USO1: variants seen among roughly 807,000 people sequenced by gnomAD.
USO1 encodes the protein general vesicular transport factor p115.
Under a neutral mutation model 124.5 loss-of-function variants are expected in USO1, and 57 were observed. That is an observed-to-expected ratio of 0.46 (90% CI 0.37 to 0.57). The LOEUF (loss-of-function observed/expected upper bound fraction) is 0.57, where lower values mean the gene tolerates loss of function less well. Ranked by LOEUF, USO1 falls within the 20% of genes least tolerant of loss-of-function variation. The pLI is 0.00. For synonymous variants in USO1, 369 were observed against 362.8 expected, an observed-to-expected ratio of 1.02 and a Z score of -0.19; for missense variants, 900 against 1,040.6, an observed-to-expected ratio of 0.86 and a Z score of 1.86.
chr4:75,770,628 C>A, intron 5 of USO1, 89 bp downstream of exon 5: 1 of 1,480,058 alleles, frequency 6.8e-7, no homozygotes, highest in South Asian at 1.4e-5. Flanking sequence ...ATGTATATAC[C>A]TTTAAAGGTA....
Position 75,793,912 on chromosome 4 carries a change from G to T in USO1, c.1452+11G>T. The T allele has an allele frequency of 1.9e-6, 3 of 1,613,542 alleles. No homozygotes were observed. The highest frequency in any genetic ancestry group is 2.5e-6 in the Non-Finnish European group (3 of 1,179,770). ...AATATTCTTTCACAGGTAAAGTTTT[G>T]CATAAGGGAAAAAGTTCTATACATT... is the stretch of plus-strand genomic sequence containing the variant. On this transcript the variant is annotated intron_variant, in intron 13 of 23. Transcript: ENST00000514213.
intron 18 of USO1, 52 bp from the exon 19 acceptor site, chr4:75,805,087 AT>A: frequency 1.3e-6 from 2 of 1,502,940 alleles, no homozygotes; most frequent in Non-Finnish European, 1.8e-6. Flanking sequence ...TACTTCAAAA[AT>A]GAAAAACTGA....
intron 7 of USO1, among the ~76,000 whole-genome samples, chr4:75,772,209 G>A (rs1182183991): frequency 6.6e-6 from 1 of 152,122 alleles, no homozygotes; most frequent in Non-Finnish European, 1.5e-5. Flanking sequence ...ATTATAGGTA[G>A]TGAACTTAAT....
intron 4 of USO1, among the ~76,000 whole-genome samples, chr4:75,765,724 G>T (rs879756485): frequency 1.3e-5 from 2 of 151,432 alleles, no homozygotes; most frequent in African/African-American, 4.9e-5. Flanking sequence ...ACCTTCAAGC[G>T]TGTGTAAGTA....
chr4:75,766,350 A>G (rs1306851553), intron 4 of USO1, among the ~76,000 whole-genome samples: 4 of 152,206 alleles, frequency 2.6e-5, no homozygotes, highest in Admixed American at 1.3e-4. Context: ...TAGTAAATAT[A>G]TAGCTTATGT....
At chr4:75,729,175 GAC>G (rs1720555366) in intron 1 of USO1, among the ~76,000 whole-genome samples, 1 of 152,088 alleles carries the variant, frequency 6.6e-6, no homozygotes, top group African/African-American at 2.4e-5. Flanking sequence ...CTTTAGCCTT[GAC>G]ACAGTTTGCT....
At chr4:75,788,214 CTGTAGTACAGTGGCA>C (rs1355073763) in intron 10 of USO1, among the ~76,000 whole-genome samples, 26 of 143,624 alleles carry the variant, frequency 1.8e-4, no homozygotes, top group African/African-American at 6.7e-4. Flanking sequence ...GTTGCCCAGG[CTGTAGTACAGTGGCA>C]TGATCTCAGC....
At chr4:75,760,872 C>T (rs567496667) in intron 4 of USO1, among the ~76,000 whole-genome samples, 10 of 152,280 alleles carry the variant, frequency 6.6e-5, no homozygotes, top group African/African-American at 1.9e-4. Context: ...TCTGGCCAGG[C>T]GTGGTGGCTC....
intron 1 of USO1, among the ~76,000 whole-genome samples, chr4:75,751,527 A>G (rs1357685786): frequency 6.9e-6 from 1 of 145,716 alleles, no homozygotes; most frequent in African/African-American, 2.5e-5. Context: ...TCGTTTTAAA[A>G]TTCAGTTTAA....
Position 75,795,413 on chromosome 4 carries a change from T to C in USO1, c.1452+1512T>C, listed in dbSNP as rs1722650872. On this transcript the variant is annotated intron_variant, in intron 13 of 23. Transcript: ENST00000514213. ...TCCTCTTATAGCAAAGCTTTTTCTCTGTCTTGGGTTTTGCTGATTGGTTTT... is the reference window on the plus strand; with the variant it reads ...TCCTCTTATAGCAAAGCTTTTTCTCCGTCTTGGGTTTTGCTGATTGGTTTT... 4.3e-6 allele frequency: 3 copies of C among 692,366 alleles called. No homozygotes were observed. In the African/African-American group the frequency reaches 5.3e-5, roughly 12 times the overall value. 42.9% of individuals were successfully genotyped at this position (692,366 alleles called of 1,614,324 possible). A position where few individuals can be genotyped will look rare whatever the true frequency, so the allele number is the denominator to read the frequency against.
At chr4:75,797,730 C>T (rs1159101213) in intron 13 of USO1, among the ~76,000 whole-genome samples, 1 of 151,902 alleles carries the variant, frequency 6.6e-6, no homozygotes, top group African/African-American at 2.4e-5. Context: ...CAACCTCTAC[C>T]TCCCAGATTC....
intron 14 of USO1, 82 bp from the exon 15 acceptor site, chr4:75,800,257 GGAACTCTTATGT>G: frequency 1.4e-6 from 2 of 1,385,366 alleles, no homozygotes; most frequent in Admixed American, 2.6e-5. Context: ...ATTTCTTATG[GGAACTCTTATGT>G]GAAGTATTAA....
At chr4:75,745,095 TA>T (rs577586305) in intron 1 of USO1, among the ~76,000 whole-genome samples, 1 of 152,318 alleles carries the variant, frequency 6.6e-6, no homozygotes, top group South Asian at 2.1e-4. Flanking sequence ...TTATCTGTTA[TA>T]GTAATGAGCT....
intron 1 of USO1, among the ~76,000 whole-genome samples, chr4:75,747,858 G>A (rs1335636478): frequency 1.4e-5 from 2 of 141,048 alleles, no homozygotes; most frequent in African/African-American, 2.7e-5. Context: ...CTCCTGATCC[G>A]CCCACCTCGG....
chr4:75,726,010 G>A (rs1173286113), intron 1 of USO1, among the ~76,000 whole-genome samples: 2 of 152,200 alleles, frequency 1.3e-5, no homozygotes, highest in South Asian at 4.1e-4. Flanking sequence ...GGCCGGACGC[G>A]GTGGCTCACG....
At chr4:75,763,727 A>T (rs1021974713) in intron 4 of USO1, among the ~76,000 whole-genome samples, 1 of 152,174 alleles carries the variant, frequency 6.6e-6, no homozygotes, top group Non-Finnish European at 1.5e-5. Flanking sequence ...ACAATATAAT[A>T]TATAAACTAT....
Position 75,724,953 on chromosome 4 carries a change from G to A in USO1, c.66+68G>A, listed in dbSNP as rs547173177. On this transcript the variant is annotated intron_variant, in intron 1 of 23. Transcript: ENST00000514213. ...CAGGGACGGGGACGGAGCACTCGGA[G>A]ACCCGAAGGTCACCTCCAGCGTCCC... The A allele has an allele frequency of 5.1e-6, 8 of 1,563,868 alleles. No homozygotes were observed. In the African/African-American group the frequency reaches 9.5e-5, roughly 19 times the overall value.
intron 19 of USO1, 62 bp downstream of exon 19, chr4:75,805,365 T>A: frequency 7.2e-7 from 1 of 1,383,862 alleles, no homozygotes; most frequent in Non-Finnish European, 9.5e-7. Context: ...TATCCTGCCT[T>A]TTTTTTTTTT....
Position 75,773,292 on chromosome 4 carries a change from T to C in USO1, c.556-1384T>C, listed in dbSNP as rs150395885. Among the ~76,000 whole-genome samples the C allele has an allele frequency of 5.7e-3, 866 of 152,306 alleles. 15 individuals are homozygous for C. The highest frequency in any genetic ancestry group is 0.019 in the African/African-American group (810 of 41,568). On this transcript the variant is annotated intron_variant, in intron 7 of 23. Coordinates refer to ENST00000514213, the MANE Select transcript of USO1 (RefSeq NM_003715.4). ...TGTTTTTGTTGTAATGTCTGGATTATTGGTTTTTACATGTTTTATAACCTT... is the reference window on the plus strand; with the variant it reads ...TGTTTTTGTTGTAATGTCTGGATTACTGGTTTTTACATGTTTTATAACCTT...
Sources: allele counts gnomAD v4.1 joint callset (sites outside exome capture counted in the v4.1 genomes callset), GRCh38; gene constraint gnomAD v4.1.1; transcripts MANE v1.5; gene names NCBI Gene and HGNC (gene_info 2026-07-23, HGNC 2026-07-21).